Variants in CFHR3 observed in about 807,000 individuals in gnomAD.
The protein encoded by CFHR3 is complement factor H-related protein 3.
Under a neutral mutation model 36.0 loss-of-function variants are expected in CFHR3, and 22 were observed. The ratio of observed to expected loss-of-function variants is 0.61; its 90% CI spans 0.44 to 0.87. CFHR3 has a LOEUF of 0.87. Ranked by LOEUF, CFHR3 falls within the 40% of genes least tolerant of loss-of-function variation. The probability of loss-of-function intolerance (pLI) is 0.00; values close to 1 mark genes in which losing one functional copy is unlikely to be tolerated. For synonymous variants in CFHR3, 97 were observed against 137.4 expected, an observed-to-expected ratio of 0.71 and a Z score of 2.06; for missense variants, 276 against 401.3, an observed-to-expected ratio of 0.69 and a Z score of 2.67.
In CFHR3 at chr1:196,779,335, TCACCAG is replaced by T; in HGVS notation, c.235_240del (p.Pro79_Ala80del). The T allele has an allele frequency of 6.6e-7, 1 of 1,520,388 alleles. No homozygotes were observed. Among genetic ancestry groups the T allele is most frequent in the Non-Finnish European group, 8.9e-7 (1 of 1,122,216 alleles). 94.2% of individuals were successfully genotyped at this position (1,520,388 alleles called of 1,614,324 possible). A position where few individuals can be genotyped will look rare whatever the true frequency, so the allele number is the denominator to read the frequency against. On this transcript the variant is annotated inframe_deletion, in exon 2 of 6. Coordinates refer to ENST00000367425, the MANE Select transcript of CFHR3 (RefSeq NM_021023.6). ...CATTCATTGCACACAAAATGGGTGG[TCACCAG>T]CAGTACCATGTCTCAGTAAGTAATC... is the stretch of plus-strand genomic sequence containing the variant.
intron 1 of CFHR3, among the ~76,000 whole-genome samples, chr1:196,776,157 T>C (rs1653709174): frequency 8.1e-6 from 1 of 123,546 alleles, no homozygotes; most frequent in East Asian, 2.6e-4. Flanking sequence ...TAGAGAAGCA[T>C]ATGCACTATA....
chr1:196,781,484 G>A lies in CFHR3; in HGVS notation c.430+1511G>A, dbSNP rs1234961639. On this transcript the variant is annotated intron_variant, in intron 3 of 5. Transcript: ENST00000367425. ...ACCTGTTGTTTCCTGACTTTTTAAT[G>A]ATTGCCATTCTAACTGGTGTGAGAT... Among the ~76,000 whole-genome samples the A allele has an allele frequency of 2.2e-5, 3 of 133,890 alleles. 1 individual carries two copies. Among genetic ancestry groups the A allele is most frequent in the African/African-American group, 9.6e-5 (3 of 31,278 alleles). 87.8% of individuals were successfully genotyped at this position (133,890 alleles called of 152,430 possible).
intron 4 of CFHR3, chr1:196,788,848 C>T: frequency 6.9e-7 from 1 of 1,450,932 alleles, no homozygotes; most frequent in Non-Finnish European, 9.1e-7. Flanking sequence ...AGAATCAGAC[C>T]TTAATAATTT....
At chr1:196,778,208 G>A (rs1439131284) in intron 1 of CFHR3, among the ~76,000 whole-genome samples, 2 of 134,230 alleles carry the variant, frequency 1.5e-5, no homozygotes, top group Non-Finnish European at 3.1e-5. Flanking sequence ...GCTGTCATGC[G>A]TCACCCAACA....
In CFHR3 at chr1:196,789,048, G is replaced by A; in HGVS notation, c.613+650G>A. On this transcript the variant is annotated intron_variant, in intron 4 of 5. Transcript: ENST00000367425. ...CGACCTTTACTTAGTATGATAAAGA[G>A]AATGCATAATGAACAAAGGAAATCT... 4 of 1,205,352 alleles carry A rather than the reference G, an allele frequency of 3.3e-6. 1 individual carries two copies. Among genetic ancestry groups the A allele is most frequent in the Non-Finnish European group, 4.2e-6 (4 of 961,952 alleles). 74.7% of individuals were successfully genotyped at this position (1,205,352 alleles called of 1,614,324 possible).
chr1:196,793,129 T>C (rs1002948478), intron 5 of CFHR3, among the ~76,000 whole-genome samples, 188 bp from the exon 6 acceptor site: 1 of 134,724 alleles, frequency 7.4e-6, no homozygotes, highest in Admixed American at 7.2e-5. Flanking sequence ...TGCTGTGATG[T>C]TGGGGAAGTG....
At position 196,774,867 on chromosome 1, in the gene CFHR3, T is replaced by C. The variant is rs1487180869; in HGVS notation, c.-20T>C. The C allele has an allele frequency of 6.6e-7, 1 of 1,510,366 alleles. No individual in the cohort carries two copies. The highest frequency in any genetic ancestry group is 9.0e-7 in the Non-Finnish European group (1 of 1,113,748). 93.6% of individuals were successfully genotyped at this position (1,510,366 alleles called of 1,614,324 possible). On this transcript the variant is annotated 5_prime_UTR_variant, in exon 1 of 6. Transcript: ENST00000367425. Reference sequence around the variant, plus strand: ...TGCAACTGAAACTTTTGTATTAGCATACTACTGAGAATATCTAACATGTTG... The same window carrying C: ...TGCAACTGAAACTTTTGTATTAGCACACTACTGAGAATATCTAACATGTTG...
At position 196,779,136 on chromosome 1, in the gene CFHR3, C is replaced by CT; in HGVS notation, c.59-20dup. 1.4e-6 allele frequency: 2 copies of CT among 1,438,144 alleles called. 1 individual carries two copies. Among genetic ancestry groups the CT allele is most frequent in the African/African-American group, 3.5e-5 (2 of 57,848 alleles). The allele number at this position is 1,438,144 out of a possible 1,614,324, so 89.1% of individuals were successfully genotyped here. A position where few individuals can be genotyped will look rare whatever the true frequency, so the allele number is the denominator to read the frequency against. On this transcript the variant is annotated intron_variant, in intron 1 of 5. Coordinates refer to ENST00000367425, the MANE Select transcript of CFHR3 (RefSeq NM_021023.6). ...TTTATTACAGTAAAAATTATTTATACTTTTTTGTTTGTTTTTTATTGCAAG... is the reference window on the plus strand; with the variant it reads ...TTTATTACAGTAAAAATTATTTATACTTTTTTTGTTTGTTTTTTATTGCAAG...
At position 196,794,347 on chromosome 1, in the gene CFHR3, C is replaced by CA. The variant is rs1442174299; in HGVS notation, c.*835dup. 7.3e-6 allele frequency among the ~76,000 whole-genome samples: 1 copy of CA among 136,428 alleles called. No homozygotes were observed. Among genetic ancestry groups the CA allele is most frequent in the Non-Finnish European group, 1.6e-5 (1 of 64,426 alleles). 89.5% of individuals were successfully genotyped at this position (136,428 alleles called of 152,430 possible). On this transcript the variant is annotated 3_prime_UTR_variant, in exon 6 of 6. Coordinates refer to ENST00000367425, the MANE Select transcript of CFHR3 (RefSeq NM_021023.6). ...GCATGATGGCGTGCACCTGTAGTCC[C>CA]AGCTACTCAGGAGGCTGAGGTGGGA...
At chr1:196,791,048 G>A (rs1654412123) in intron 5 of CFHR3, among the ~76,000 whole-genome samples, 2 of 136,488 alleles carry the variant, frequency 1.5e-5, no homozygotes, top group Non-Finnish European at 3.1e-5. Context: ...TTTCCTGATA[G>A]AACACATAGC....
intron 1 of CFHR3, among the ~76,000 whole-genome samples, chr1:196,775,766 T>G (rs977639301): frequency 2.2e-5 from 3 of 136,776 alleles, no homozygotes; most frequent in East Asian, 2.0e-4. Context: ...AGGGTGTGTG[T>G]CCATTAATGA....
At chr1:196,793,249 T>C in intron 5 of CFHR3, 68 bp from the exon 6 acceptor site, 1 of 1,318,516 alleles carries the variant, frequency 7.6e-7, no homozygotes, top group Non-Finnish European at 1.0e-6. Flanking sequence ...AAACTACTCA[T>C]TAGGATGCAT....
rs190844740 is a variant in CFHR3 at position 196,778,755 on chromosome 1, A to G, written c.59-407A>G. ...TCTTGTTTCTCTTTTCCAAAAAACA[A>G]TTATTGGTAATGTGTGCACCCTGAA... On this transcript the variant is annotated intron_variant, in intron 1 of 5. Coordinates refer to ENST00000367425, the MANE Select transcript of CFHR3 (RefSeq NM_021023.6). Among the ~76,000 whole-genome samples, 4 of 136,738 alleles carry G rather than the reference A, an allele frequency of 2.9e-5. 1 individual carries two copies. Among genetic ancestry groups the G allele is most frequent in the African/African-American group, 1.2e-4 (4 of 32,810 alleles). The allele number at this position is 136,738 out of a possible 152,430, so 89.7% of individuals were successfully genotyped here. A position where few individuals can be genotyped will look rare whatever the true frequency, so the allele number is the denominator to read the frequency against.
chr1:196,787,145 G>A (rs1340829902), intron 3 of CFHR3, among the ~76,000 whole-genome samples: 1 of 137,014 alleles, frequency 7.3e-6, no homozygotes, highest in Non-Finnish European at 1.5e-5. Context: ...AAGATAATGG[G>A]AATCTTCCTA....
rs539205555 is a variant in CFHR3, at chr1:196,787,486, G to T, written c.431-730G>T. Among the ~76,000 whole-genome samples the T allele has an allele frequency of 2.9e-5, 4 of 136,060 alleles. 1 individual carries two copies. The highest frequency in any genetic ancestry group is 7.1e-5 in the Admixed American group (1 of 14,164). 89.3% of individuals were successfully genotyped at this position (136,060 alleles called of 152,430 possible). A position where few individuals can be genotyped will look rare whatever the true frequency, so the allele number is the denominator to read the frequency against. ...AATTGGTCCATTTACATTTGTTTTT[G>T]AATTACTAATTAGAAAAGAACATAT... On this transcript the variant is annotated intron_variant, in intron 3 of 5. Coordinates refer to ENST00000367425, the MANE Select transcript of CFHR3 (RefSeq NM_021023.6).
At chr1:196,785,607 GC>G (rs1407281746) in intron 3 of CFHR3, among the ~76,000 whole-genome samples, 1 of 136,868 alleles carries the variant, frequency 7.3e-6, no homozygotes, top group East Asian at 2.0e-4. Context: ...GGCTCCTGAG[GC>G]TTCTGTATTC....
intron 5 of CFHR3, among the ~76,000 whole-genome samples, chr1:196,790,737 ATAATAAATAAATAAATAAAT>A (rs1265439168): frequency 1.2e-5 from 1 of 83,408 alleles, no homozygotes; most frequent in East Asian, 3.1e-4. Flanking sequence ...AAATAAAAAA[ATAATAAATAAATAAATAAAT>A]AAATAAATAA....
rs1339488377 is a variant in CFHR3 at position 196,793,954 on chromosome 1, T to A, written c.*441T>A. ...TGTAGCCATGGTCCTCTAGATGCAG[T>A]TAACCAAATAGGGTCATTTTTATTA... On this transcript the variant is annotated 3_prime_UTR_variant, in exon 6 of 6. Coordinates refer to ENST00000367425, the MANE Select transcript of CFHR3 (RefSeq NM_021023.6). The A allele has an allele frequency of 1.4e-5, 2 of 146,486 alleles. No individual in the cohort carries two copies. The highest frequency in any genetic ancestry group is 2.8e-5 in the Non-Finnish European group (2 of 70,718). The allele number at this position is 146,486 out of a possible 1,614,324, so 9.1% of individuals were successfully genotyped here.
chr1:196,791,561 A>T lies in CFHR3; in HGVS notation c.796+1334A>T, dbSNP rs75792674. On this transcript the variant is annotated intron_variant, in intron 5 of 5. Transcript: ENST00000367425. The stretch of plus-strand genomic sequence containing the variant: ...GACTCATTTCCTTTATTTTGATGCT[A>T]TGCTACCTTTTACCTTTCATATTGA... Among the ~76,000 whole-genome samples, 4 of 120,286 alleles carry T rather than the reference A, an allele frequency of 3.3e-5. No individual in the cohort carries two copies. In the East Asian group the frequency reaches 9.0e-4, roughly 27 times the overall value. The allele number at this position is 120,286 out of a possible 152,430, so 78.9% of individuals were successfully genotyped here.
Sources: gnomAD v4.1 joint callset for allele counts (sites outside exome capture counted in the v4.1 genomes callset) on GRCh38, gnomAD v4.1.1 for gene constraint, MANE v1.5 for transcripts, NCBI Gene and HGNC (gene_info 2026-07-23, HGNC 2026-07-21) for gene names.